The following REDIC1 variants were observed in gnomAD, a reference collection of about 807,000 sequenced individuals.
The protein encoded by REDIC1 is HEI10 Interacting Protein 1.
chr12:39,864,844 C>A, the REDIC1 span: 1 of 1,612,096 alleles, frequency 6.2e-7, no homozygotes, highest in Non-Finnish European at 8.5e-7. Flanking sequence ...GCTGATAGCA[C>A]AAATCCCAAG....
chr12:39,662,372 G>T, the REDIC1 span, among the ~76,000 whole-genome samples: 3 of 151,852 alleles, frequency 2.0e-5, no homozygotes, highest in Non-Finnish European at 2.9e-5. Flanking sequence ...TTTATTCCTA[G>T]ATATTTTATT....
At chr12:39,899,123 G>C in the REDIC1 span, among the ~76,000 whole-genome samples, 1 of 151,972 alleles carries the variant, frequency 6.6e-6, no homozygotes, top group Non-Finnish European at 1.5e-5. Flanking sequence ...GACTCTTTTT[G>C]GTTGGTAAGC....
At chr12:39,750,153 G>C in the REDIC1 span, among the ~76,000 whole-genome samples, 1 of 152,304 alleles carries the variant, frequency 6.6e-6, no homozygotes, top group South Asian at 2.1e-4. Context: ...TGACATGATT[G>C]TGTATTTAGA....
chr12:39,838,382 C>T, the REDIC1 span, among the ~76,000 whole-genome samples: 2 of 143,270 alleles, frequency 1.4e-5, no homozygotes, highest in South Asian at 4.6e-4. Flanking sequence ...GGGAGATATA[C>T]CTAATGCTAG....
the REDIC1 span, among the ~76,000 whole-genome samples, chr12:39,700,190 A>G: frequency 2.0e-5 from 3 of 151,812 alleles, no homozygotes; most frequent in African/African-American, 4.8e-5. Flanking sequence ...GAAAACTTTG[A>G]AAAAAAACTT....
chr12:39,773,401 A>T, the REDIC1 span, among the ~76,000 whole-genome samples: 1 of 152,222 alleles, frequency 6.6e-6, no homozygotes, highest in African/African-American at 2.4e-5. Flanking sequence ...TGGAATACAC[A>T]GAACTCCCTT....
At chr12:39,672,508 A>T in the REDIC1 span, among the ~76,000 whole-genome samples, 1 of 152,086 alleles carries the variant, frequency 6.6e-6, no homozygotes, top group Non-Finnish European at 1.5e-5. Context: ...GTGGCAGTTG[A>T]CGGGGAGAAC....
chr12:39,686,484 G>C, the REDIC1 span, among the ~76,000 whole-genome samples: 1 of 152,194 alleles, frequency 6.6e-6, no homozygotes, highest in Non-Finnish European at 1.5e-5. Flanking sequence ...GGAGTGACTG[G>C]GATACAGGGA....
At chr12:39,774,584 CTT>C in the REDIC1 span, among the ~76,000 whole-genome samples, 382 of 130,182 alleles carry the variant, frequency 2.9e-3, no homozygotes, top group Non-Finnish European at 3.3e-3. Context: ...ATTGTCCAGC[CTT>C]TTTTTTTTTT....
the REDIC1 span, among the ~76,000 whole-genome samples, chr12:39,639,175 A>G: frequency 1.3e-5 from 2 of 152,014 alleles, no homozygotes; most frequent in African/African-American, 2.4e-5. Flanking sequence ...GTCTTAGCAA[A>G]TAAGTCGGTA....
chr12:39,696,020 C>T, the REDIC1 span, among the ~76,000 whole-genome samples: 1 of 152,142 alleles, frequency 6.6e-6, no homozygotes, highest in Admixed American at 6.5e-5. Flanking sequence ...GTCTACAAGT[C>T]TGCAAGAACC....
At chr12:39,712,575 G>GTATATATGTATATACGTATATACA in the REDIC1 span, among the ~76,000 whole-genome samples, 78 of 141,732 alleles carry the variant, frequency 5.5e-4, 1 homozygote, top group South Asian at 1.5e-3. Context: ...ACGTATATAC[G>GTATATATGTATATACGTATATACA]TATATATGTA....
At chr12:39,774,077 G>C in the REDIC1 span, among the ~76,000 whole-genome samples, 1 of 152,134 alleles carries the variant, frequency 6.6e-6, no homozygotes, top group African/African-American at 2.4e-5. Context: ...GTTCTTTGTT[G>C]ATAGAAAGTT....
chr12:39,684,645 G>T, the REDIC1 span, among the ~76,000 whole-genome samples: 2 of 152,152 alleles, frequency 1.3e-5, no homozygotes, highest in African/African-American at 4.8e-5. Context: ...AATCCTGACT[G>T]CAGGTCCAGA....
At chr12:39,706,551 A>G in the REDIC1 span, among the ~76,000 whole-genome samples, 3 of 152,180 alleles carry the variant, frequency 2.0e-5, no homozygotes, top group East Asian at 5.8e-4. Context: ...TCTTACTTCA[A>G]ATTATACTAC....
the REDIC1 span, among the ~76,000 whole-genome samples, chr12:39,745,033 A>C: frequency 1.3e-5 from 2 of 152,234 alleles, no homozygotes; most frequent in African/African-American, 4.8e-5. Context: ...AAGCTGAACT[A>C]GCTATATTAA....
the REDIC1 span, among the ~76,000 whole-genome samples, chr12:39,793,906 CTT>C: frequency 6.6e-6 from 1 of 152,026 alleles, no homozygotes. Flanking sequence ...ATTCTAATGA[CTT>C]TTATCTCAGT....
the REDIC1 span, among the ~76,000 whole-genome samples, chr12:39,726,694 G>A: frequency 6.6e-6 from 1 of 152,142 alleles, no homozygotes; most frequent in African/African-American, 2.4e-5. Flanking sequence ...TGGGATTGCT[G>A]GGTCAAATGA....
the REDIC1 span, among the ~76,000 whole-genome samples, chr12:39,900,373 T>A: frequency 1.3e-5 from 2 of 152,190 alleles, no homozygotes; most frequent in Admixed American, 1.3e-4. Context: ...AAGGGGATTA[T>A]ATTAGGAAAA....
Sources: allele counts gnomAD v4.1 joint callset (sites outside exome capture counted in the v4.1 genomes callset), GRCh38; gene constraint gnomAD v4.1.1; transcripts MANE v1.5; gene names NCBI Gene and HGNC (gene_info 2026-07-23, HGNC 2026-07-21).